The following HDHD5 variants were observed in gnomAD, a reference collection of about 807,000 sequenced individuals.
The protein encoded by HDHD5 is haloacid dehalogenase-like hydrolase domain-containing 5.
Under a neutral mutation model 35.5 loss-of-function variants are expected in HDHD5, and 34 were observed. The ratio of observed to expected loss-of-function variants is 0.96; its 90% CI spans 0.73 to 1.28. HDHD5 has a LOEUF of 1.28. Ranked by LOEUF, HDHD5 falls within the 50% of genes most tolerant of loss-of-function variation. The pLI, the probability that HDHD5 is intolerant of heterozygous loss-of-function variation, is 0.00. For missense variants in HDHD5, 589 were observed against 560.2 expected (o/e 1.05, Z -0.52); for synonymous variants, 248 against 240.6 (o/e 1.03, Z -0.29).
intron 4 of HDHD5, among the ~76,000 whole-genome samples, chr22:17,144,260 C>CT (rs35703354): frequency 8.2e-4 from 120 of 145,982 alleles, no homozygotes; most frequent in East Asian, 1.4e-3. Context: ...GGGCTTTTTC[C>CT]TTTTTTTTTT....
upstream of HDHD5, among the ~76,000 whole-genome samples, chr22:17,163,712 ACAG>A (rs1377001882): frequency 2.0e-5 from 3 of 152,140 alleles, no homozygotes; most frequent in East Asian, 1.9e-4. Context: ...ACCCCATAAA[ACAG>A]CAGCCATTCC....
At chr22:17,141,027 C>T (rs1307177506) in intron 6 of HDHD5, 32 bp downstream of exon 6, 2 of 1,539,730 alleles carry the variant, frequency 1.3e-6, no homozygotes, top group Non-Finnish European at 1.7e-6. Context: ...GAATAGACCA[C>T]CAGGCCAAGG....
chr22:17,163,332 C>G (rs2061874748), upstream of HDHD5, among the ~76,000 whole-genome samples: 1 of 152,158 alleles, frequency 6.6e-6, no homozygotes, highest in Non-Finnish European at 1.5e-5. Context: ...ACTTGAGCAT[C>G]CATCAGAATC....
At chr22:17,143,025 A>G in intron 5 of HDHD5, 73 bp downstream of exon 5, 1 of 1,561,754 alleles carries the variant, frequency 6.4e-7, no homozygotes, top group Non-Finnish European at 8.8e-7. Context: ...AGGCAGTCAC[A>G]CTGAGACAGC....
chr22:17,161,498 G>A (rs571293481), upstream of HDHD5, among the ~76,000 whole-genome samples: 3 of 152,034 alleles, frequency 2.0e-5, no homozygotes, highest in East Asian at 5.8e-4. Context: ...AGCAGAGGTT[G>A]CAGAGAGCTG....
At chr22:17,165,257 TCTC>T in exon 1 of HDHD5, 1 of 774,898 alleles carries the variant, frequency 1.3e-6, no homozygotes, top group Non-Finnish European at 2.4e-6. Context: ...TTTAGTCCCC[TCTC>T]CTCTTTAGGA....
chr22:17,138,801 G>A (rs2061566057), intron 6 of HDHD5, 63 bp from the exon 7 acceptor site: 6 of 1,571,662 alleles, frequency 3.8e-6, no homozygotes, highest in South Asian at 3.4e-5. Context: ...TAGAGAACAC[G>A]ACTGCCACTG....
chr22:17,156,021 A>G (rs566296739), intron 1 of HDHD5, among the ~76,000 whole-genome samples: 23 of 152,322 alleles, frequency 1.5e-4, no homozygotes, highest in Non-Finnish European at 3.4e-4. Context: ...TTTATGGTAC[A>G]TTATCTGTTT....
chr22:17,159,314 G>A (rs369290964), upstream of HDHD5: 39 of 1,171,848 alleles, frequency 3.3e-5, no homozygotes, highest in East Asian at 5.5e-4. Context: ...TCCGTCCGCT[G>A]CACAGCCAAT....
chr22:17,147,465 C>T (rs2061676012), intron 3 of HDHD5, among the ~76,000 whole-genome samples: 1 of 129,852 alleles, frequency 7.7e-6, no homozygotes, highest in Non-Finnish European at 1.6e-5. Context: ...GCACACGCTC[C>T]ACACCTGTGG....
intron 5 of HDHD5, chr22:17,142,300 AACAACC>A (rs2061609069): frequency 2.0e-5 from 3 of 152,268 alleles, no homozygotes; most frequent in Admixed American, 1.3e-4. Flanking sequence ...CACACAGGTG[AACAACC>A]TTTTCAGAAT....
chr22:17,155,806 G>T (rs1451238400), intron 1 of HDHD5, among the ~76,000 whole-genome samples: 6 of 152,142 alleles, frequency 3.9e-5, no homozygotes, highest in Non-Finnish European at 8.8e-5. Context: ...ATGACACACT[G>T]CATATACAAT....
rs575125213 is a variant in HDHD5 at position 17,141,112 on chromosome 22, G to A, written c.693C>T (p.Pro231=). 1.5e-5 allele frequency: 24 copies of A among 1,595,774 alleles called. No individual in the cohort carries two copies. The highest frequency in any genetic ancestry group is 3.5e-5 in the Admixed American group (2 of 56,822). The change falls in exon 6 of 8, where the codon CCC becomes CCT. Residue 231 remains proline, a synonymous_variant. Transcript: ENST00000336737. ...GGAGATCCATGTTGCTGGCTAGGAC[G>A]GGGAGGTGGGGGTAGGGGGGTGTTG... ...GLATPPYPHL[P]VLASNMDLLW...
At chr22:17,162,936 C>T (rs1406468255), upstream of HDHD5, among the ~76,000 whole-genome samples, 6 of 152,226 alleles carry the variant, frequency 3.9e-5, no homozygotes, top group Admixed American at 3.9e-4. Context: ...AGAACCCCTG[C>T]CCTGCTGTTG....
intron 1 of HDHD5, among the ~76,000 whole-genome samples, chr22:17,154,558 A>C (rs1175002049): frequency 6.6e-6 from 1 of 152,064 alleles, no homozygotes; most frequent in East Asian, 1.9e-4. Context: ...TTAAGGAATT[A>C]CTAATGTTGT....
intron 1 of HDHD5, 42 bp downstream of exon 1, chr22:17,159,075 GCCTCCGGCC>G: frequency 8.2e-7 from 1 of 1,217,638 alleles, no homozygotes; most frequent in Non-Finnish European, 1.0e-6. Flanking sequence ...TCCCCGCCCC[GCCTCCGGCC>G]CTGAGTGGCG....
In HDHD5 at chr22:17,138,176, A is replaced by C; in HGVS notation, c.1117T>G (p.Ser373Ala). Residue 373 changes from serine to alanine, a missense_variant, in exon 8 of 8, where the codon TCC (serine) becomes GCC (alanine). Transcript: ENST00000336737. The part of the protein sequence containing the change: ...TGVYNPRNPQ[S>A]TEPVLGGGEP... ...CCTCCTCCAAGGACAGGCTCCGTGG[A>C]CTGTGGGTTCCTGGGATTGTAGACG... 2 of 1,614,044 alleles carry C rather than the reference A, an allele frequency of 1.2e-6. No homozygotes were observed. The highest frequency in any genetic ancestry group is 2.2e-5 in the South Asian group (2 of 91,068).
intron 1 of HDHD5, among the ~76,000 whole-genome samples, chr22:17,156,351 G>A (rs1188962591): frequency 6.6e-6 from 1 of 152,176 alleles, no homozygotes; most frequent in African/African-American, 2.4e-5. Context: ...TGTGGCTCAC[G>A]CCTGTAATCC....
intron 5 of HDHD5, 106 bp from the exon 6 acceptor site, chr22:17,141,339 G>T: frequency 6.9e-7 from 1 of 1,455,328 alleles, no homozygotes; most frequent in Non-Finnish European, 9.0e-7. Flanking sequence ...CACCCATGGT[G>T]CACCCAGCTG....
Sources: gnomAD v4.1 joint callset for allele counts (sites outside exome capture counted in the v4.1 genomes callset) on GRCh38, gnomAD v4.1.1 for gene constraint, MANE v1.5 for transcripts, NCBI Gene and HGNC (gene_info 2026-07-23, HGNC 2026-07-21) for gene names.